The following NEBL variants were observed in gnomAD, a reference collection of about 807,000 sequenced individuals.
The protein encoded by NEBL is nebulette.
Under a neutral mutation model 140.2 loss-of-function variants are expected in NEBL, and 122 were observed. The ratio of observed to expected loss-of-function variants is 0.87; its 90% confidence interval spans 0.75 to 1.01. NEBL has a LOEUF of 1.01. NEBL is among the 50% of genes least tolerant of loss of function. NEBL has a pLI of 0.00. For synonymous variants in NEBL, 436 were observed against 398.9 expected, an observed-to-expected ratio of 1.09 and a Z score of -1.11; for missense variants, 1,365 against 1,231.3, an observed-to-expected ratio of 1.11 and a Z score of -1.62.
chr10:20,787,699 TAA>T (rs1328538149), intron 26 of NEBL, among the ~76,000 whole-genome samples: 4 of 152,200 alleles, frequency 2.6e-5, no homozygotes, highest in Admixed American at 1.3e-4. Context: ...TGATAGAGTA[TAA>T]GTGTTTTCAC....
rs794729077 is a variant in NEBL at position 20,868,734 on chromosome 10, T to C, written c.614A>G (p.Asn205Ser). Residue 205 changes from asparagine (N) to serine (S), a missense_variant, in exon 7 of 28, where the codon AAT becomes AGT. Transcript: ENST00000377122. The part of the protein sequence containing the change: ...AEYKKGQGIM[N>S]KEPAVIGRPD... Reference sequence around the variant, plus strand: ...TCTTCCAATTACAGCGGGCTCTTTATTCATTATTCCTTGTCCTTTCTTGTA... The same window carrying C: ...TCTTCCAATTACAGCGGGCTCTTTACTCATTATTCCTTGTCCTTTCTTGTA... 3.1e-6 allele frequency: 5 copies of C among 1,612,114 alleles called. No individual in the cohort carries two copies. The highest frequency in any genetic ancestry group is 4.2e-6 in the Non-Finnish European group (5 of 1,178,344).
At chr10:20,944,379 G>A (rs965864044) in intron 4 of NEBL, among the ~76,000 whole-genome samples, 7 of 151,996 alleles carry the variant, frequency 4.6e-5, no homozygotes, top group Admixed American at 2.6e-4. Context: ...CAGCCTGGGC[G>A]ACAAGACCAA....
intron 2 of NEBL, among the ~76,000 whole-genome samples, chr10:21,157,213 A>C (rs1840367565): frequency 6.6e-6 from 1 of 151,886 alleles, no homozygotes; most frequent in South Asian, 2.1e-4. Context: ...TTATTCCTTC[A>C]CTTTTTTTTT....
At chr10:21,153,086 C>T (rs886537023) in intron 2 of NEBL, among the ~76,000 whole-genome samples, 6 of 152,118 alleles carry the variant, frequency 3.9e-5, no homozygotes, top group African/African-American at 7.2e-5. Flanking sequence ...GTGCAATGAC[C>T]GTGAAAATAG....
chr10:21,124,533 T>C (rs966042649), intron 2 of NEBL, among the ~76,000 whole-genome samples: 3 of 152,098 alleles, frequency 2.0e-5, no homozygotes, highest in Non-Finnish European at 4.4e-5. Flanking sequence ...CTCATTAGGG[T>C]CACTTTTAAC....
chr10:21,074,380 A>G (rs1308581789), intron 2 of NEBL, among the ~76,000 whole-genome samples: 1 of 152,186 alleles, frequency 6.6e-6, no homozygotes, highest in Admixed American at 6.5e-5. Context: ...CCTAGAAACT[A>G]ATATCATCCA....
At chr10:21,249,795 G>A (rs1298084963) in intron 2 of NEBL, among the ~76,000 whole-genome samples, 1 of 152,078 alleles carries the variant, frequency 6.6e-6, no homozygotes, top group African/African-American at 2.4e-5. Flanking sequence ...TGGGTGCAGT[G>A]GCTCACACCT....
chr10:21,012,268 C>T (rs1440880265), intron 3 of NEBL, among the ~76,000 whole-genome samples: 2 of 152,150 alleles, frequency 1.3e-5, no homozygotes, highest in Non-Finnish European at 2.9e-5. Flanking sequence ...CTGTTTCTCT[C>T]TCTGGGGCCA....
At chr10:20,796,367 GAAAAAAAAAAA>G (rs57844177) in intron 26 of NEBL, among the ~76,000 whole-genome samples, 8 of 51,520 alleles carry the variant, frequency 1.6e-4, no homozygotes, top group South Asian at 8.5e-4. Context: ...TCTAAAACAA[GAAAAAAAAAAA>G]AAAAAAAAAA....
chr10:21,047,310 C>T (rs1834563055), intron 2 of NEBL, among the ~76,000 whole-genome samples: 1 of 152,200 alleles, frequency 6.6e-6, no homozygotes, highest in Non-Finnish European at 1.5e-5. Flanking sequence ...TCTGCCAATA[C>T]TTGAACAAGT....
intron 16 of NEBL, among the ~76,000 whole-genome samples, chr10:20,830,246 T>C (rs533306141): frequency 6.6e-6 from 1 of 152,356 alleles, no homozygotes; most frequent in East Asian, 1.9e-4. Context: ...TCACCAAATG[T>C]TGTTACACAA....
chr10:21,143,274 C>G (rs1212317490), intron 2 of NEBL, among the ~76,000 whole-genome samples: 10 of 151,744 alleles, frequency 6.6e-5, no homozygotes, highest in Non-Finnish European at 1.0e-4. Context: ...CATGGCGAAA[C>G]CCTGTCTCTC....
chr10:21,227,716 T>TC (rs1842180921), intron 3 of NEBL, among the ~76,000 whole-genome samples: 3 of 101,982 alleles, frequency 2.9e-5, no homozygotes, highest in Non-Finnish European at 5.7e-5. Context: ...TCTTCTTTCT[T>TC]CTTCTTCTTC....
At chr10:20,904,245 C>T (rs368054883) in intron 4 of NEBL, among the ~76,000 whole-genome samples, 2 of 152,194 alleles carry the variant, frequency 1.3e-5, no homozygotes, top group African/African-American at 4.8e-5. Context: ...GAGTACTGTC[C>T]ATGAGACAGA....
At chr10:21,290,155 AC>A (rs1300705814) in intron 1 of NEBL, among the ~76,000 whole-genome samples, 1 of 152,142 alleles carries the variant, frequency 6.6e-6, no homozygotes, top group Non-Finnish European at 1.5e-5. Flanking sequence ...ACCCAAACAC[AC>A]CCACACTAAA....
chr10:21,057,000 A>G (rs1364111940), intron 2 of NEBL, among the ~76,000 whole-genome samples: 1 of 152,154 alleles, frequency 6.6e-6, no homozygotes, highest in Non-Finnish European at 1.5e-5. Context: ...TGATATATTT[A>G]TCAAATAAAG....
chr10:21,290,954 T>A (rs1020252090), intron 1 of NEBL, among the ~76,000 whole-genome samples: 4 of 152,214 alleles, frequency 2.6e-5, no homozygotes, highest in Non-Finnish European at 5.9e-5. Context: ...TGTCAGTTCA[T>A]TTCAGCAGAC....
At position 20,847,747 on chromosome 10, in the gene NEBL, T is replaced by C. The variant is rs146153496; in HGVS notation, c.1117-2379A>G. Among the ~76,000 whole-genome samples the C allele has an allele frequency of 8.5e-5, 13 of 152,278 alleles. No individual in the cohort carries two copies. The East Asian group carries it at 2.5e-3, about 29-fold the overall frequency. ...TGATCCCTGTCTCTTTCAGTGAAAATGTATGTTAACAGCTTCATACTGTCT... is the reference window on the plus strand; with the variant it reads ...TGATCCCTGTCTCTTTCAGTGAAAACGTATGTTAACAGCTTCATACTGTCT... On this transcript the variant is annotated intron_variant, in intron 11 of 27. Coordinates refer to ENST00000377122, the MANE Select transcript of NEBL (RefSeq NM_006393.3).
intron 3 of NEBL, among the ~76,000 whole-genome samples, chr10:20,997,688 AATAAT>A (rs1397741959): frequency 6.6e-6 from 1 of 152,036 alleles, no homozygotes; most frequent in Admixed American, 6.6e-5. Flanking sequence ...TTGAAATGTG[AATAAT>A]ATATTATTTC....
Sources: allele counts gnomAD v4.1 joint callset (sites outside exome capture counted in the v4.1 genomes callset), GRCh38; gene constraint gnomAD v4.1.1; transcripts MANE v1.5; gene names NCBI Gene and HGNC (gene_info 2026-07-23, HGNC 2026-07-21).